The following VAV3 variants were observed in gnomAD, a reference collection of about 807,000 sequenced individuals.
VAV3 encodes the protein guanine nucleotide exchange factor VAV3.
Under a neutral mutation model 131.2 loss-of-function variants are expected in VAV3, and 94 were observed. The ratio of observed to expected loss-of-function variants is 0.72; its 90% CI spans 0.61 to 0.85. The LOEUF is 0.85. Ranked by LOEUF, VAV3 falls within the 40% of genes least tolerant of loss-of-function variation. The pLI, the probability that VAV3 is intolerant of heterozygous loss-of-function variation, is 0.00. For missense variants in VAV3, 939 were observed against 1,002.7 expected (o/e 0.94, Z 0.86); for synonymous variants, 349 against 342.0 (o/e 1.02, Z -0.22).
intron 2 of VAV3, among the ~76,000 whole-genome samples, chr1:107,860,118 C>G (rs777803236): frequency 1.5e-4 from 23 of 151,960 alleles, no homozygotes; most frequent in Non-Finnish European, 2.9e-4. Context: ...CAAATATGGT[C>G]AAATGTTAGT....
intron 2 of VAV3, among the ~76,000 whole-genome samples, chr1:107,794,320 G>A (rs1666438242): frequency 6.6e-6 from 1 of 150,688 alleles, no homozygotes; most frequent in African/African-American, 2.4e-5. Flanking sequence ...TAATAAAACA[G>A]GATTATGGAA....
chr1:107,861,741 G>A (rs1214538200), intron 2 of VAV3, among the ~76,000 whole-genome samples: 1 of 151,530 alleles, frequency 6.6e-6, no homozygotes, highest in East Asian at 1.9e-4. Context: ...AACTCAAAGA[G>A]TGTAAATGAT....
chr1:107,609,955 G>A lies in VAV3; in HGVS notation c.1991C>T (p.Pro664Leu). Residue 664 changes from proline to leucine, a missense_variant, in exon 22 of 27, where the codon CCA becomes CTA. Physicochemically the swap from Pro to Leu is moderately conservative, Grantham distance 98. Coordinates refer to ENST00000370056, the MANE Select transcript of VAV3 (RefSeq NM_006113.5). ...AVKPCPCVPK[P>L]VDYSCQPWYA... ...CCAGGGTTGGCAAGAATAATCTACT[G>A]GTTTGGGCACCTAGGATATAAAAAA... The A allele has an allele frequency of 1.9e-6, 3 of 1,613,238 alleles. No homozygotes were observed. Among genetic ancestry groups the A allele is most frequent in the Non-Finnish European group, 2.5e-6 (3 of 1,179,498 alleles).
chr1:107,593,282 T>C (rs1442631455), intron 25 of VAV3, among the ~76,000 whole-genome samples: 1 of 152,162 alleles, frequency 6.6e-6, no homozygotes, highest in East Asian at 1.9e-4. Context: ...AAATAATTGG[T>C]AAACATTCTA....
intron 25 of VAV3, among the ~76,000 whole-genome samples, chr1:107,581,384 G>A (rs1305757717): frequency 6.6e-6 from 1 of 152,138 alleles, no homozygotes; most frequent in African/African-American, 2.4e-5. Flanking sequence ...ATGACTCAGT[G>A]GCTCATAATT....
At chr1:107,874,235 T>C (rs919839867) in intron 2 of VAV3, among the ~76,000 whole-genome samples, 3 of 152,228 alleles carry the variant, frequency 2.0e-5, no homozygotes, top group Non-Finnish European at 4.4e-5. Context: ...TAAATGACCA[T>C]AATTTTTGAA....
At chr1:107,736,699 A>C (rs867317260) in intron 15 of VAV3, among the ~76,000 whole-genome samples, 2,309 of 148,662 alleles carry the variant, frequency 0.016, 65 homozygotes, top group African/African-American at 0.054. Flanking sequence ...TCAACGAAAT[A>C]AAAGAAGACA....
At chr1:107,918,416 TCTCA>T (rs1672722981) in intron 1 of VAV3, among the ~76,000 whole-genome samples, 1 of 152,048 alleles carries the variant, frequency 6.6e-6, no homozygotes, top group Non-Finnish European at 1.5e-5. Flanking sequence ...TCTTTAACTC[TCTCA>T]GAGTATTTAA....
At chr1:107,955,686 G>A (rs1397669118) in intron 1 of VAV3, among the ~76,000 whole-genome samples, 1 of 151,648 alleles carries the variant, frequency 6.6e-6, no homozygotes, top group Non-Finnish European at 1.5e-5. Context: ...CAGACAAAAA[G>A]GTATATGCAA....
At chr1:107,928,594 A>G (rs1673271734) in intron 1 of VAV3, among the ~76,000 whole-genome samples, 1 of 152,268 alleles carries the variant, frequency 6.6e-6, no homozygotes, top group Admixed American at 6.5e-5. Context: ...AGTCGAAATT[A>G]TGAAGTTTAA....
At chr1:107,865,393 G>A (rs886460291) in intron 2 of VAV3, among the ~76,000 whole-genome samples, 12 of 152,160 alleles carry the variant, frequency 7.9e-5, no homozygotes, top group African/African-American at 2.9e-4. Context: ...TAAGCAGTGT[G>A]TGTATGAGTG....
intron 15 of VAV3, among the ~76,000 whole-genome samples, chr1:107,718,606 C>A (rs1661273519): frequency 1.3e-5 from 2 of 152,108 alleles, no homozygotes; most frequent in African/African-American, 4.8e-5. Flanking sequence ...TAGGAAGAAT[C>A]AATATCATGA....
chr1:107,885,202 T>TA (rs1173934479), intron 1 of VAV3, among the ~76,000 whole-genome samples: 2 of 152,126 alleles, frequency 1.3e-5, no homozygotes, highest in Non-Finnish European at 2.9e-5. Context: ...TTTTCCTCAT[T>TA]AGAGTACAAC....
chr1:107,697,253 G>A (rs2504465), intron 17 of VAV3, among the ~76,000 whole-genome samples: 2,408 of 152,140 alleles, frequency 0.016, 82 homozygotes, highest in African/African-American at 0.055. Flanking sequence ...AGCAAACCCC[G>A]ATCTGAGAGT....
chr1:107,799,008 T>C (rs1030221943), intron 2 of VAV3, among the ~76,000 whole-genome samples: 1 of 152,128 alleles, frequency 6.6e-6, no homozygotes, highest in South Asian at 2.1e-4. Context: ...CTATCAGAAG[T>C]CCAAAACTTA....
chr1:107,748,585 T>G (rs749054129), intron 15 of VAV3, among the ~76,000 whole-genome samples: 10 of 152,238 alleles, frequency 6.6e-5, no homozygotes, highest in African/African-American at 9.6e-5. Flanking sequence ...TGTTTGTGTA[T>G]GTACACTTGG....
chr1:107,655,284 C>G (rs1386083574), intron 19 of VAV3, among the ~76,000 whole-genome samples: 1 of 151,998 alleles, frequency 6.6e-6, no homozygotes, highest in Admixed American at 6.6e-5. Context: ...ACACATAGAC[C>G]AATGGAACAG....
chr1:107,927,905 A>G (rs971565590), intron 1 of VAV3, among the ~76,000 whole-genome samples: 14 of 152,150 alleles, frequency 9.2e-5, no homozygotes, highest in African/African-American at 3.4e-4. Context: ...TGCTGATGGT[A>G]GGACACCAGG....
intron 21 of VAV3, among the ~76,000 whole-genome samples, chr1:107,612,117 T>C (rs1282186573): frequency 6.6e-6 from 1 of 150,876 alleles, no homozygotes; most frequent in Non-Finnish European, 1.5e-5. Flanking sequence ...GAATATAGTA[T>C]CCGTACAAAA....
Sources: gnomAD v4.1 joint callset for allele counts (sites outside exome capture counted in the v4.1 genomes callset) on GRCh38, gnomAD v4.1.1 for gene constraint, MANE v1.5 for transcripts, NCBI Gene and HGNC (gene_info 2026-07-23, HGNC 2026-07-21) for gene names.